The following PI15 variants were observed in gnomAD, a reference collection of about 807,000 sequenced individuals.
The protein encoded by PI15 is 25 kDa trypsin inhibitor.
A neutral mutation model predicts 31.0 loss-of-function variants in PI15; 18 were observed. That is an observed-to-expected ratio of 0.58 (90% CI 0.40 to 0.86). The LOEUF (loss-of-function observed/expected upper bound fraction) is 0.86. PI15 is among the 40% of genes least tolerant of loss of function. PI15 has a pLI of 0.00. For missense variants in PI15, 282 were observed against 328.1 expected, an observed-to-expected ratio of 0.86 and a Z score of 1.09; for synonymous variants, 118 against 119.1, an observed-to-expected ratio of 0.99 and a Z score of 0.06.
chr8:74,843,957 G>C (rs763948483), intron 2 of PI15, 24 bp from the exon 3 acceptor site: 2 of 1,071,298 alleles, frequency 1.9e-6, no homozygotes, highest in Non-Finnish European at 2.9e-6. Flanking sequence ...ATTCCGTAAC[G>C]CTGAAGATTT....
Position 74,844,742 on chromosome 8 carries a change from A to G in PI15, c.393-386A>G, listed in dbSNP as rs7840894. On this transcript the variant is annotated intron_variant, in intron 3 of 5. Transcript: ENST00000260113. ...CTAAGGGAATTCAGACTGAAGTGAAAAAAATGCACTGGGTTCTAATATTGT... is the reference window on the plus strand; with the variant it reads ...CTAAGGGAATTCAGACTGAAGTGAAGAAAATGCACTGGGTTCTAATATTGT... The G allele has an allele frequency of 1.2e-3, 217 of 179,988 alleles. 2 individuals carry two copies. The highest frequency in any genetic ancestry group is 4.5e-3 in the African/African-American group (192 of 42,398). 11.1% of individuals were successfully genotyped at this position (179,988 alleles called of 1,614,324 possible).
intron 5 of PI15, among the ~76,000 whole-genome samples, chr8:74,847,908 A>T (rs575346792): frequency 6.6e-6 from 1 of 152,084 alleles, no homozygotes; most frequent in East Asian, 1.9e-4. Context: ...CGATAACCAA[A>T]TTTTCTCCCG....
intron 2 of PI15, chr8:74,826,214 T>G: frequency 5.2e-6 from 2 of 384,402 alleles, no homozygotes; most frequent in Non-Finnish European, 7.1e-6. Flanking sequence ...AAAAAGTTAG[T>G]ATTGAAAGGA....
Position 74,845,116 on chromosome 8 carries a change from C to G in PI15, c.393-12C>G. ...TGCTGCACTCTGATTTCTTTCTTTT[C>G]TTTATATGCAGATATCGCTCTATTC... On this transcript the variant is annotated splice_polypyrimidine_tract_variant and intron_variant, in intron 3 of 5. Coordinates refer to ENST00000260113, the MANE Select transcript of PI15 (RefSeq NM_015886.5). The G allele has an allele frequency of 6.2e-7, 1 of 1,608,448 alleles. No homozygotes were observed. Among genetic ancestry groups the G allele is most frequent in the Non-Finnish European group, 8.5e-7 (1 of 1,175,064 alleles).
intron 2 of PI15, among the ~76,000 whole-genome samples, chr8:74,835,204 T>A (rs1406173854): frequency 3.9e-5 from 6 of 152,202 alleles, no homozygotes; most frequent in Non-Finnish European, 7.3e-5. Context: ...ATTTTTTTTA[T>A]CTTTTTAAAA....
At chr8:74,825,784 C>T (rs1252019439) in intron 2 of PI15, among the ~76,000 whole-genome samples, 3 of 151,874 alleles carry the variant, frequency 2.0e-5, no homozygotes, top group Non-Finnish European at 4.4e-5. Context: ...TCCATAGCTA[C>T]TGGTGAATTG....
intron 5 of PI15, among the ~76,000 whole-genome samples, chr8:74,848,732 T>TAGAGAGAGAGAG (rs1004356103): frequency 2.2e-5 from 3 of 136,358 alleles, no homozygotes; most frequent in African/African-American, 8.3e-5. Flanking sequence ...TATATATATA[T>TAGAGAGAGAGAG]AGAGAGAGAG....
In PI15 at chr8:74,845,463, C is replaced by T. The variant is rs1305710224; in HGVS notation, c.607C>T (p.Arg203Cys). ...GAATGTTTGGGGATCTGTGTGGCGA[C>T]GTGCAGTTTACTTGGTATGCAACTA... Reference protein sequence around the residue: ...NMNVWGSVWRRAVYLVCNYAP... With the variant: ...NMNVWGSVWRCAVYLVCNYAP... Residue 203 changes from arginine (R) to cysteine (C), a missense_variant, in exon 5 of 6, where the codon CGT becomes TGT. Coordinates refer to ENST00000260113, the MANE Select transcript of PI15 (RefSeq NM_015886.5). The T allele has an allele frequency of 9.3e-6, 15 of 1,613,316 alleles. No individual in the cohort carries two copies. Among genetic ancestry groups the T allele is most frequent in the African/African-American group, 5.3e-5 (4 of 74,878 alleles).
At position 74,851,140 on chromosome 8, in the gene PI15, G is replaced by T. The variant is rs1028699160; in HGVS notation, c.*1887G>T. The T allele has an allele frequency of 1.3e-5, 2 of 152,504 alleles. No individual in the cohort carries two copies. The highest frequency in any genetic ancestry group is 2.9e-5 in the Non-Finnish European group (2 of 67,996). 9.4% of individuals were successfully genotyped at this position (152,504 alleles called of 1,614,324 possible). ...TTTGATATCATACTACTCTGCCTTT[G>T]TGGGCACATATGTAGACACTACTAA... On this transcript the variant is annotated 3_prime_UTR_variant, in exon 6 of 6. Transcript: ENST00000260113.
intron 2 of PI15, among the ~76,000 whole-genome samples, chr8:74,828,902 T>A (rs189649798): frequency 6.6e-6 from 1 of 152,260 alleles, no homozygotes; most frequent in Non-Finnish European, 1.5e-5. Context: ...TCCTTCAAGC[T>A]TTTGATGCCA....
intron 2 of PI15, among the ~76,000 whole-genome samples, chr8:74,827,325 G>A (rs952335433): frequency 1.7e-4 from 26 of 152,070 alleles, no homozygotes; most frequent in Admixed American, 9.8e-4. Flanking sequence ...CGTTCACCAC[G>A]AGGAAAGGCA....
rs933457918 is a variant in PI15 at position 74,851,714 on chromosome 8, T to C, written c.*2461T>C. On this transcript the variant is annotated 3_prime_UTR_variant, in exon 6 of 6. Transcript: ENST00000260113. ...ACTAAGAAGCCAAAAATGGCAACAA[T>C]TTACAGAAATCCCACCTTTCCATGC... is the stretch of plus-strand genomic sequence containing the variant. 1 of 151,978 alleles carries C rather than the reference T, an allele frequency of 6.6e-6. No individual in the cohort carries two copies. Among genetic ancestry groups the C allele is most frequent in the African/African-American group, 2.4e-5 (1 of 41,412 alleles). The allele number at this position is 151,978 out of a possible 1,614,324, so 9.4% of individuals were successfully genotyped here. A position where few individuals can be genotyped will look rare whatever the true frequency, so the allele number is the denominator to read the frequency against.
intron 3 of PI15, chr8:74,844,871 A>G (rs1159707429): frequency 2.4e-6 from 1 of 409,906 alleles, no homozygotes; most frequent in Non-Finnish European, 4.4e-6. Context: ...AATTATTTGC[A>G]TTTTCTTCGT....
chr8:74,848,971 A>C lies in PI15; in HGVS notation c.642-147A>C. ...GAATAAGTTACTATTGAAATAAGAA[A>C]TGATTATAACTTTCAGTGACTTTCT... is the stretch of plus-strand genomic sequence containing the variant. On this transcript the variant is annotated intron_variant, in intron 5 of 5. Coordinates refer to ENST00000260113, the MANE Select transcript of PI15 (RefSeq NM_015886.5). 3 of 630,188 alleles carry C rather than the reference A, an allele frequency of 4.8e-6. No individual in the cohort carries two copies. The Middle Eastern group carries it at 8.0e-4, about 168-fold the overall frequency. 39.0% of individuals were successfully genotyped at this position (630,188 alleles called of 1,614,324 possible).
intron 2 of PI15, among the ~76,000 whole-genome samples, chr8:74,834,186 A>G (rs776569748): frequency 6.6e-6 from 1 of 152,144 alleles, no homozygotes; most frequent in Non-Finnish European, 1.5e-5. Flanking sequence ...TTAAATGGCA[A>G]CGTAAAGTAC....
At chr8:74,843,797 A>C (rs1024774074) in intron 2 of PI15, among the ~76,000 whole-genome samples, 184 bp from the exon 3 acceptor site, 10 of 152,128 alleles carry the variant, frequency 6.6e-5, no homozygotes, top group African/African-American at 2.4e-4. Context: ...CCGGGGAGGC[A>C]GAGGTTTCAG....
At chr8:74,843,837 T>C in intron 2 of PI15, 144 bp from the exon 3 acceptor site, 1 of 651,272 alleles carries the variant, frequency 1.5e-6, no homozygotes, top group South Asian at 1.8e-5. Context: ...TGCACTCCAC[T>C]CCAGCCCGGG....
At position 74,853,678 on chromosome 8, in the gene PI15, T is replaced by C. The variant is rs1811138607; in HGVS notation, c.*4425T>C. 1 of 152,508 alleles carries C rather than the reference T, an allele frequency of 6.6e-6. No individual in the cohort carries two copies. The highest frequency in any genetic ancestry group is 6.5e-5 in the Admixed American group (1 of 15,268). 9.4% of individuals were successfully genotyped at this position (152,508 alleles called of 1,614,324 possible). A position where few individuals can be genotyped will look rare whatever the true frequency, so the allele number is the denominator to read the frequency against. On this transcript the variant is annotated 3_prime_UTR_variant, in exon 6 of 6. Coordinates refer to ENST00000260113, the MANE Select transcript of PI15 (RefSeq NM_015886.5). ...TGTACCATAAAAATTTGTTGTGCAA[T>C]ATTAGAATTATCATATGTTTCCTAC...
At chr8:74,844,434 TG>T (rs1810991926) in intron 3 of PI15, among the ~76,000 whole-genome samples, 2 of 100,912 alleles carry the variant, frequency 2.0e-5, no homozygotes, top group African/African-American at 8.9e-5. Context: ...AGGCTGTGTG[TG>T]TGTGTGTGTG....
Sources: allele counts gnomAD v4.1 joint callset (sites outside exome capture counted in the v4.1 genomes callset), GRCh38; gene constraint gnomAD v4.1.1; transcripts MANE v1.5; gene names NCBI Gene and HGNC (gene_info 2026-07-23, HGNC 2026-07-21).